Variants in SORCS2 observed in about 807,000 individuals in gnomAD.
The protein encoded by SORCS2 is sortilin related VPS10 domain containing receptor 2.
A neutral mutation model predicts 141.6 loss-of-function variants in SORCS2; 100 were observed. The ratio of observed to expected loss-of-function variants is 0.71; its 90% CI spans 0.60 to 0.83. SORCS2 has a LOEUF of 0.83. Ranked by LOEUF, SORCS2 falls within the 40% of genes least tolerant of loss-of-function variation. The pLI, the probability that SORCS2 is intolerant of heterozygous loss-of-function variation, is 0.00. For missense variants in SORCS2, 1,646 were observed against 1,560.2 expected, an observed-to-expected ratio of 1.05 and a Z score of -0.93; for synonymous variants, 789 against 676.9, an observed-to-expected ratio of 1.17 and a Z score of -2.57.
At chr4:7,235,921 G>A (rs1191414755) in intron 1 of SORCS2, among the ~76,000 whole-genome samples, 2 of 152,302 alleles carry the variant, frequency 1.3e-5, no homozygotes, top group Admixed American at 1.3e-4. Flanking sequence ...CTCTAGGTGC[G>A]AGTGTAAGGG....
intron 2 of SORCS2, among the ~76,000 whole-genome samples, chr4:7,497,004 G>A (rs557424431): frequency 4.6e-5 from 7 of 152,356 alleles, no homozygotes; most frequent in African/African-American, 1.2e-4. Flanking sequence ...GTGCTCTTGC[G>A]CTGACACACG....
intron 9 of SORCS2, 87 bp downstream of exon 9, chr4:7,676,316 C>T: frequency 7.1e-7 from 1 of 1,399,088 alleles, no homozygotes; most frequent in Non-Finnish European, 9.7e-7. Context: ...CCCCTCCCCT[C>T]CCGCCTGTCT....
chr4:7,684,623 A>G (rs1026073646), intron 10 of SORCS2, among the ~76,000 whole-genome samples: 1 of 152,146 alleles, frequency 6.6e-6, no homozygotes, highest in African/African-American at 2.4e-5. Flanking sequence ...CAGCTTCCTC[A>G]TGTGTAAAAT....
chr4:7,491,110 T>C (rs559065614), intron 2 of SORCS2, among the ~76,000 whole-genome samples: 2 of 152,266 alleles, frequency 1.3e-5, no homozygotes, highest in Admixed American at 1.3e-4. Flanking sequence ...TCTCCTGCCA[T>C]CTCTCTCCTC....
chr4:7,653,109 T>G (rs1265742870), intron 4 of SORCS2, among the ~76,000 whole-genome samples: 1 of 152,134 alleles, frequency 6.6e-6, no homozygotes, highest in Non-Finnish European at 1.5e-5. Context: ...GTGGTCACTG[T>G]GTGGAGACAG....
chr4:7,255,727 C>A (rs1428282132), intron 1 of SORCS2, among the ~76,000 whole-genome samples: 1 of 152,138 alleles, frequency 6.6e-6, no homozygotes, highest in Admixed American at 6.5e-5. Flanking sequence ...TCTAACTAGG[C>A]CTGTGGTGTT....
intron 2 of SORCS2, among the ~76,000 whole-genome samples, chr4:7,427,801 G>A (rs553390479): frequency 6.6e-6 from 1 of 152,136 alleles, no homozygotes; most frequent in African/African-American, 2.4e-5. Context: ...ATGGCACGGA[G>A]AGCCTTTCCT....
intron 3 of SORCS2, among the ~76,000 whole-genome samples, chr4:7,597,729 G>T (rs566451970): frequency 6.6e-6 from 1 of 151,036 alleles, no homozygotes; most frequent in South Asian, 2.1e-4. Context: ...CTATTGCAAT[G>T]GAAGAGGGGG....
intron 1 of SORCS2, among the ~76,000 whole-genome samples, chr4:7,340,914 C>T (rs1163809552): frequency 1.3e-5 from 2 of 152,342 alleles, no homozygotes; most frequent in African/African-American, 4.8e-5. Flanking sequence ...AATTGCTCCT[C>T]CCTCATCCCT....
Position 7,718,093 on chromosome 4 carries a change from G to A in SORCS2, c.2334G>A (p.Thr778=), listed in dbSNP as rs770283791. 6.8e-6 allele frequency: 11 copies of A among 1,611,404 alleles called. No individual in the cohort carries two copies. The highest frequency in any genetic ancestry group is 2.7e-5 in the African/African-American group (2 of 74,862). Residue 778 remains threonine (T), a synonymous_variant, in exon 18 of 27, where the codon ACG becomes ACA. Coordinates refer to ENST00000507866, the MANE Select transcript of SORCS2 (RefSeq NM_020777.3). ...AGGTGCAGCTGCAGTGCCCCCTCAC[G>A]CCGCCCCGGGGCCTGCAGGTCAGCA... is the stretch of plus-strand genomic sequence containing the variant. ...QSQVQLQCPL[T]PPRGLQVSIQ...
chr4:7,583,298 T>A (rs1716286942), intron 3 of SORCS2, among the ~76,000 whole-genome samples: 1 of 152,190 alleles, frequency 6.6e-6, no homozygotes, highest in African/African-American at 2.4e-5. Context: ...AGAGGGAAGA[T>A]GTCACTGATG....
At chr4:7,209,258 C>T (rs34004049) in intron 1 of SORCS2, among the ~76,000 whole-genome samples, 45,267 of 152,138 alleles carry the variant, frequency 0.3, 7,544 homozygotes, top group Non-Finnish European at 0.37. Context: ...AGAGCACGCC[C>T]CGCCCCCGTC....
At chr4:7,565,671 G>C (rs1278021365) in intron 3 of SORCS2, among the ~76,000 whole-genome samples, 1 of 149,004 alleles carries the variant, frequency 6.7e-6, no homozygotes, top group Non-Finnish European at 1.5e-5. Context: ...TGATGATGCT[G>C]ATGATGTGAT....
chr4:7,458,203 G>C (rs960727406), intron 2 of SORCS2, among the ~76,000 whole-genome samples: 2 of 152,164 alleles, frequency 1.3e-5, no homozygotes, highest in African/African-American at 4.8e-5. Flanking sequence ...CTCCTGTGGG[G>C]CGGGGGGAGG....
chr4:7,278,206 C>T (rs1715635901), intron 1 of SORCS2, among the ~76,000 whole-genome samples: 1 of 151,260 alleles, frequency 6.6e-6, no homozygotes, highest in Non-Finnish European at 1.5e-5. Flanking sequence ...AAGTCCCCAC[C>T]TGGTGGGAGG....
intron 3 of SORCS2, among the ~76,000 whole-genome samples, chr4:7,532,396 GC>G (rs1221470457): frequency 6.6e-6 from 1 of 152,208 alleles, no homozygotes; most frequent in African/African-American, 2.4e-5. Flanking sequence ...GGAATTGTGA[GC>G]TCTAGGATCA....
At chr4:7,330,865 A>G (rs1007535529) in intron 1 of SORCS2, among the ~76,000 whole-genome samples, 2 of 151,898 alleles carry the variant, frequency 1.3e-5, no homozygotes, top group Non-Finnish European at 1.5e-5. Flanking sequence ...CGTGTGTTCC[A>G]CAGACGTGGA....
At chr4:7,619,181 C>T (rs759426565) in intron 3 of SORCS2, among the ~76,000 whole-genome samples, 4 of 152,208 alleles carry the variant, frequency 2.6e-5, no homozygotes, top group Non-Finnish European at 4.4e-5. Context: ...ATGCGTGTGC[C>T]ACTCGGCACC....
In SORCS2 at chr4:7,726,875, G is replaced by T. The variant is rs774569725; in HGVS notation, c.2841G>T (p.Leu947=). 3.7e-6 allele frequency: 6 copies of T among 1,613,686 alleles called. No individual in the cohort carries two copies. The African/African-American group carries it at 8.0e-5, about 22-fold the overall frequency. Residue 947 remains leucine, a synonymous_variant, in exon 21 of 27, where the codon CTG becomes CTT. Transcript: ENST00000507866. ...TVQAACGNSV[L]QDSRVLRVLD... Reference sequence around the variant, plus strand: ...AGGCCGCCTGTGGGAACTCGGTGCTGCAGGACTCCAGGGTCCTCCGTGTGC... The same window carrying T: ...AGGCCGCCTGTGGGAACTCGGTGCTTCAGGACTCCAGGGTCCTCCGTGTGC...
Sources: allele counts gnomAD v4.1 joint callset (sites outside exome capture counted in the v4.1 genomes callset), GRCh38; gene constraint gnomAD v4.1.1; transcripts MANE v1.5; gene names NCBI Gene and HGNC (gene_info 2026-07-23, HGNC 2026-07-21).